The following CSMD2 variants were observed in gnomAD, a reference collection of about 807,000 sequenced individuals.
CSMD2 encodes CUB and Sushi multiple domains 2, also known as CUB and sushi domain-containing protein 2.
CSMD2 carries 130 observed loss-of-function variants against 398.5 expected under a neutral mutation model. The ratio of observed to expected loss-of-function variants is 0.33; its 90% CI spans 0.28 to 0.38. The LOEUF (loss-of-function observed/expected upper bound fraction) is 0.38. Among genes scored for constraint, CSMD2 ranks in the 10% least tolerant of loss-of-function variants. The pLI is 1.00. For missense variants in CSMD2, 3,829 were observed against 4,764.9 expected (o/e 0.80, Z 5.78); for synonymous variants, 1,828 against 1,908.5 (o/e 0.96, Z 1.10).
intron 5 of CSMD2, among the ~76,000 whole-genome samples, chr1:33,907,296 T>G (rs1041156912): frequency 6.6e-6 from 1 of 151,554 alleles, no homozygotes; most frequent in African/African-American, 2.4e-5. Context: ...TTTTTTTTTT[T>G]TTTTGTATTT....
chr1:34,121,080 C>T (rs576207073), intron 1 of CSMD2, among the ~76,000 whole-genome samples: 1 of 152,238 alleles, frequency 6.6e-6, no homozygotes, highest in Non-Finnish European at 1.5e-5. Flanking sequence ...TTACTGAATC[C>T]TCAGAATCAA....
At chr1:34,082,089 G>A (rs879272997) in intron 2 of CSMD2, among the ~76,000 whole-genome samples, 43 of 148,706 alleles carry the variant, frequency 2.9e-4, no homozygotes, top group Middle Eastern at 3.4e-3. Context: ...CTGCCTGGCC[G>A]CCCATCATCT....
intron 6 of CSMD2, among the ~76,000 whole-genome samples, chr1:33,831,876 T>A (rs1216127610): frequency 6.6e-6 from 1 of 151,682 alleles, no homozygotes; most frequent in African/African-American, 2.4e-5. Flanking sequence ...TCTCTGATAA[T>A]ACAGACTTTA....
intron 29 of CSMD2, among the ~76,000 whole-genome samples, chr1:33,641,403 A>G (rs1231626954): frequency 6.6e-6 from 1 of 152,172 alleles, no homozygotes; most frequent in East Asian, 1.9e-4. Flanking sequence ...ATGCTGGTAT[A>G]TGAGAATAAA....
At chr1:33,694,520 T>G (rs551635) in intron 24 of CSMD2, among the ~76,000 whole-genome samples, 4,603 of 152,230 alleles carry the variant, frequency 0.03, 218 homozygotes, top group African/African-American at 0.1. Flanking sequence ...TCTGATGGTT[T>G]TATAAGTTCC....
chr1:33,575,202 C>G (rs752230944), intron 49 of CSMD2, among the ~76,000 whole-genome samples: 1 of 152,024 alleles, frequency 6.6e-6, no homozygotes, highest in East Asian at 1.9e-4. Context: ...GGGAGAGAGA[C>G]ACAGGTGAGA....
chr1:33,659,210 G>A (rs1644047831), intron 26 of CSMD2, among the ~76,000 whole-genome samples: 1 of 152,226 alleles, frequency 6.6e-6, no homozygotes, highest in African/African-American at 2.4e-5. Context: ...AATACTGAAT[G>A]AATGCTAGAT....
chr1:33,704,385 T>A, intron 22 of CSMD2, among the ~76,000 whole-genome samples: 1 of 152,214 alleles, frequency 6.6e-6, no homozygotes, highest in Non-Finnish European at 1.5e-5. Context: ...GAACTATTGA[T>A]CTTGTTCTTG....
intron 1 of CSMD2, among the ~76,000 whole-genome samples, chr1:34,113,866 T>C (rs917919402): frequency 1.3e-5 from 2 of 152,182 alleles, no homozygotes; most frequent in Non-Finnish European, 2.9e-5. Flanking sequence ...CACAGTTCAG[T>C]GAGACTGAAG....
rs1191129145 is a variant in CSMD2, at chr1:33,559,159, T to C, written c.8554+141A>G. On this transcript the variant is annotated intron_variant, in intron 54 of 70. Coordinates refer to ENST00000373381, the MANE Select transcript of CSMD2 (RefSeq NM_001281956.2). This position sits in a 1 kb window ranked among gnomAD's most constrained non-coding sequence, Gnocchi z 4.0. ...TATCTAAGGGTTGAGAAAGTCCTCATTTATGACCCTTCTCTGCTCCATCTT... is the reference window on the plus strand; with the variant it reads ...TATCTAAGGGTTGAGAAAGTCCTCACTTATGACCCTTCTCTGCTCCATCTT... 1.5e-5 allele frequency: 11 copies of C among 737,496 alleles called. No homozygotes were observed. The highest frequency in any genetic ancestry group is 2.1e-5 in the Non-Finnish European group (10 of 474,008). 45.7% of individuals were successfully genotyped at this position (737,496 alleles called of 1,614,324 possible).
rs148779341 is a variant in CSMD2, at chr1:33,907,656, C to A, written c.920+10438G>T. Among the ~76,000 whole-genome samples, 40 of 152,282 alleles carry A rather than the reference C, an allele frequency of 2.6e-4. No homozygotes were observed. In the East Asian group the frequency reaches 7.2e-3, roughly 27 times the overall value. ...CTCTGCCTTCTCCCTCCCCAAATGA[C>A]CCAAACTGTTGAGATCCACCATATG... On this transcript the variant is annotated intron_variant, in intron 5 of 70. Transcript: ENST00000373381.
In CSMD2 at chr1:33,559,535, C is replaced by T. The variant is rs932091232; in HGVS notation, c.8381-62G>A. 2.1e-6 allele frequency: 3 copies of T among 1,417,336 alleles called. No individual in the cohort carries two copies. Among genetic ancestry groups the T allele is most frequent in the Admixed American group, 2.0e-5 (1 of 50,172 alleles). 87.8% of individuals were successfully genotyped at this position (1,417,336 alleles called of 1,614,324 possible). On this transcript the variant is annotated intron_variant, in intron 53 of 70. Transcript: ENST00000373381. This position sits in a 1 kb window ranked among gnomAD's most constrained non-coding sequence, Gnocchi z 4.0. ...TATTCCACACCCCTCAGAATTTATC[C>T]ACCTCTCACCTGGCATCTCTTAGGC...
intron 4 of CSMD2, among the ~76,000 whole-genome samples, chr1:33,921,443 C>T (rs555170196): frequency 1.2e-4 from 18 of 152,288 alleles, no homozygotes; most frequent in South Asian, 2.1e-4. Flanking sequence ...AATATTGTTC[C>T]GAGCAAGCAC....
chr1:33,904,663 TTTG>T (rs1642971525), intron 5 of CSMD2, among the ~76,000 whole-genome samples: 1 of 152,104 alleles, frequency 6.6e-6, no homozygotes, highest in African/African-American at 2.4e-5. Context: ...TTTTGTTTGT[TTTG>T]TTTTGTTTTG....
intron 3 of CSMD2, among the ~76,000 whole-genome samples, chr1:33,941,169 T>C (rs1201549365): frequency 6.6e-6 from 1 of 152,332 alleles, no homozygotes; most frequent in East Asian, 1.9e-4. Flanking sequence ...CATTGTAGAT[T>C]AGCTGTGGGG....
intron 2 of CSMD2, among the ~76,000 whole-genome samples, chr1:34,048,796 C>T (rs575053889): frequency 1.3e-5 from 2 of 152,306 alleles, no homozygotes; most frequent in East Asian, 1.9e-4. Flanking sequence ...ATATTATTAT[C>T]AGCTGCTGCA....
At chr1:33,987,639 C>A (rs1392223047) in intron 3 of CSMD2, among the ~76,000 whole-genome samples, 1 of 152,176 alleles carries the variant, frequency 6.6e-6, no homozygotes, top group Non-Finnish European at 1.5e-5. Flanking sequence ...GGCTTGACCT[C>A]CCACCCAGAT....
At chr1:33,864,130 G>A (rs1639769725) in intron 5 of CSMD2, 2 of 1,475,424 alleles carry the variant, frequency 1.4e-6, no homozygotes, top group East Asian at 2.3e-5. Context: ...CTCCTGGAGT[G>A]TGGGAACAAC....
At chr1:33,958,592 G>T (rs1011184662) in intron 3 of CSMD2, among the ~76,000 whole-genome samples, 5 of 152,208 alleles carry the variant, frequency 3.3e-5, no homozygotes, top group African/African-American at 1.2e-4. Context: ...AGCCCTGAGG[G>T]TTTAGAGGTT....
Sources: gnomAD v4.1 joint callset for allele counts (sites outside exome capture counted in the v4.1 genomes callset) on GRCh38, gnomAD v4.1.1 for gene constraint, Gnocchi (gnomAD v3.1) non-coding constraint, MANE v1.5 for transcripts, NCBI Gene and HGNC (gene_info 2026-07-23, HGNC 2026-07-21) for gene names.